SLC16A3: variants seen among roughly 807,000 people sequenced by gnomAD.
SLC16A3 encodes the protein monocarboxylate transporter 4.
SLC16A3 carries 22 observed loss-of-function variants against 25.0 expected under a neutral mutation model. The observed-to-expected ratio is 0.88, with a 90% CI of 0.63 to 1.26. The LOEUF is 1.26. Among genes scored for constraint, SLC16A3 ranks in the 50% most tolerant of loss-of-function variants. SLC16A3 has a pLI of 0.00. For missense variants in SLC16A3, 731 were observed against 666.6 expected (o/e 1.10, Z -1.06); for synonymous variants, 390 against 309.2 (o/e 1.26, Z -2.74).
upstream of SLC16A3, among the ~76,000 whole-genome samples, chr17:82,227,767 C>T (rs756400753): frequency 1.2e-4 from 19 of 152,308 alleles, no homozygotes; most frequent in Non-Finnish European, 2.5e-4. Flanking sequence ...GTTCTGCTCA[C>T]AGGCACGTGC....
At chr17:82,219,087 G>T (rs1241514450) in intron 1 of SLC16A3, among the ~76,000 whole-genome samples, 1 of 152,154 alleles carries the variant, frequency 6.6e-6, no homozygotes, top group Non-Finnish European at 1.5e-5. Context: ...AGAGTGGATG[G>T]GGCCACCCCA....
At chr17:82,225,916 G>C (rs114872704), upstream of SLC16A3, among the ~76,000 whole-genome samples, 240 of 152,196 alleles carry the variant, frequency 1.6e-3, no homozygotes, top group Middle Eastern at 6.8e-3. Context: ...AAGCCTCTCC[G>C]CATTTCCTAA....
At chr17:82,227,656 GCGGGAGCACCACCTGCCCTGGGCGGGAGC>G (rs1568531492), upstream of SLC16A3, among the ~76,000 whole-genome samples, 974 of 25,366 alleles carry the variant, frequency 0.038, 71 homozygotes, top group East Asian at 0.11. Context: ...CCTGCCCTGG[GCGGGAGCACCACCTGCCCTGGGCGGGAGC>G]AGCACGGGCC....
chr17:82,218,969 GAA>G (rs1406990994), intron 1 of SLC16A3, among the ~76,000 whole-genome samples: 2 of 152,160 alleles, frequency 1.3e-5, no homozygotes, highest in Non-Finnish European at 2.9e-5. Context: ...ATAAGGGAGA[GAA>G]AGGCTGAGGC....
In SLC16A3 at chr17:82,237,573, C is replaced by G. The variant is rs766209276; in HGVS notation, c.803C>G (p.Thr268Ser). 7 of 1,611,890 alleles carry G rather than the reference C, an allele frequency of 4.3e-6. No individual in the cohort carries two copies. Among genetic ancestry groups the G allele is most frequent in the Non-Finnish European group, 5.9e-6 (7 of 1,179,152 alleles). ...GACACCAAGGCCGCCTTCCTGCTCA[C>G]CATCCTGGGCTTCATTGACATCTTC... ...VPDTKAAFLL[T>S]ILGFIDIFAR... is the part of the protein sequence containing the mutation. The change falls in exon 4 of 5, where the codon ACC becomes AGC. Residue 268 changes from threonine to serine, a missense_variant. By Grantham distance (58) the Thr-to-Ser change is moderately conservative. Transcript: ENST00000582743.
intron 1 of SLC16A3, chr17:82,231,262 G>GCCCTCCAGCCGT (rs1321607714): frequency 5.9e-5 from 9 of 152,312 alleles, no homozygotes; most frequent in Admixed American, 2.6e-4. Flanking sequence ...ACCCGCAGGC[G>GCCCTCCAGCCGT]CCCTCCAGCC....
upstream of SLC16A3, among the ~76,000 whole-genome samples, chr17:82,225,367 C>T (rs1404689949): frequency 1.3e-5 from 2 of 152,224 alleles, no homozygotes; most frequent in Non-Finnish European, 2.9e-5. Context: ...TGGGTCTAGG[C>T]TCTGTGTGGT....
At chr17:82,225,957 C>T (rs546551832), upstream of SLC16A3, among the ~76,000 whole-genome samples, 24 of 152,190 alleles carry the variant, frequency 1.6e-4, no homozygotes, top group African/African-American at 5.1e-4. Context: ...TAGGGACTCT[C>T]GGGGCAGCCC....
intron 1 of SLC16A3, chr17:82,229,418 C>G (rs1418343272): frequency 6.6e-6 from 1 of 152,192 alleles, no homozygotes; most frequent in Non-Finnish European, 1.5e-5. Context: ...ATGGCTGCGC[C>G]GGCGGCCAAG....
rs2050606754 is a variant in SLC16A3 at position 82,236,561 on chromosome 17, G to A, written c.224-168G>A. On this transcript the variant is annotated intron_variant, in intron 2 of 4. Coordinates refer to ENST00000582743, the MANE Select transcript of SLC16A3 (RefSeq NM_004207.4). ...GGGGCCCAGCAGGCGGCGCTCACGTGTCATCATGGCCTGCGCTCGGGGAGC... is the reference window on the plus strand; with the variant it reads ...GGGGCCCAGCAGGCGGCGCTCACGTATCATCATGGCCTGCGCTCGGGGAGC... 4 of 953,696 alleles carry A rather than the reference G, an allele frequency of 4.2e-6. No homozygotes were observed. The Admixed American group carries it at 1.1e-4, about 26-fold the overall frequency. 59.1% of individuals were successfully genotyped at this position (953,696 alleles called of 1,614,324 possible).
At chr17:82,227,399 C>T (rs547077553), upstream of SLC16A3, among the ~76,000 whole-genome samples, 1 of 151,876 alleles carries the variant, frequency 6.6e-6, no homozygotes, top group South Asian at 2.1e-4. Flanking sequence ...GCCCCAAGCC[C>T]AGCTGGCAGG....
At chr17:82,238,643 G>A in intron 4 of SLC16A3, 59 bp from the exon 5 acceptor site, 2 of 1,532,516 alleles carry the variant, frequency 1.3e-6, no homozygotes, top group Non-Finnish European at 1.8e-6. Flanking sequence ...CTTGGGTGGA[G>A]CCGTGGGCCC....
At chr17:82,233,069 C>T (rs768663100) in intron 1 of SLC16A3, among the ~76,000 whole-genome samples, 2 of 152,286 alleles carry the variant, frequency 1.3e-5, no homozygotes, top group South Asian at 2.1e-4. Context: ...TGGCCCATCA[C>T]GGTGCCGGGG....
chr17:82,235,722 G>A (rs1167587646), intron 1 of SLC16A3: 7 of 519,674 alleles, frequency 1.3e-5, no homozygotes, highest in Non-Finnish European at 3.5e-6. Flanking sequence ...AGTCCTGGCC[G>A]AGCCCAAAAA....
chr17:82,236,156 A>G lies in SLC16A3; in HGVS notation c.148A>G (p.Ile50Val). The G allele has an allele frequency of 6.2e-7, 1 of 1,613,300 alleles. No homozygotes were observed. Among genetic ancestry groups the G allele is most frequent in the Non-Finnish European group, 8.5e-7 (1 of 1,179,980 alleles). ...CGTCAGTGTCTTCTTCAAGGAGCTC[A>G]TACAGGAGTTTGGGATCGGCTACAG... ...KAVSVFFKEL[I>V]QEFGIGYSDT... is the part of the protein sequence containing the mutation. The change falls in exon 2 of 5, where the codon ATA becomes GTA. Residue 50 changes from isoleucine (I) to valine (V), a missense_variant. Physicochemically the swap from Ile to Val is conservative, Grantham distance 29 (BLOSUM62 3). Coordinates refer to ENST00000582743, the MANE Select transcript of SLC16A3 (RefSeq NM_004207.4).
upstream of SLC16A3, chr17:82,228,261 G>A (rs1421422203): frequency 6.6e-6 from 1 of 152,332 alleles, no homozygotes; most frequent in African/African-American, 2.4e-5. Flanking sequence ...AGCACCTCAC[G>A]AGGTCCAGCG....
Position 82,237,649 on chromosome 17 carries a change from C to A in SLC16A3, c.879C>A (p.Tyr293Ter), listed in dbSNP as rs2050643024. 3.1e-6 allele frequency: 5 copies of A among 1,612,862 alleles called. No homozygotes were observed. The highest frequency in any genetic ancestry group is 2.5e-6 in the Non-Finnish European group (3 of 1,179,924). ...FVAGLGKVRP[Y>*]SVYLFSFSMF... ...CGGGGCTTGGGAAGGTGCGGCCCTACTCCGTCTACCTCTTCAGCTTCTCCA... is the reference window on the plus strand; with the variant it reads ...CGGGGCTTGGGAAGGTGCGGCCCTAATCCGTCTACCTCTTCAGCTTCTCCA... Residue 293 changes from tyrosine to a stop codon, truncating the protein, a stop_gained, in exon 4 of 5, where the codon TAC becomes TAA. Coordinates refer to ENST00000582743, the MANE Select transcript of SLC16A3 (RefSeq NM_004207.4). LOFTEE classifies it high-confidence loss of function.
upstream of SLC16A3, chr17:82,229,024 C>A: frequency 1.4e-5 from 2 of 146,742 alleles, no homozygotes; most frequent in South Asian, 4.0e-4. Flanking sequence ...TAAAGTCGCC[C>A]CCGGCGCGGA....
At chr17:82,227,320 G>C (rs1284915624), upstream of SLC16A3, among the ~76,000 whole-genome samples, 6 of 152,072 alleles carry the variant, frequency 3.9e-5, no homozygotes, top group Non-Finnish European at 8.8e-5. Flanking sequence ...TACGGTGGGG[G>C]TTCAGGGTTC....
Sources: allele counts gnomAD v4.1 joint callset (sites outside exome capture counted in the v4.1 genomes callset), GRCh38; gene constraint gnomAD v4.1.1; transcripts MANE v1.5; gene names NCBI Gene and HGNC (gene_info 2026-07-23, HGNC 2026-07-21).